The following TRPS1 variants were observed in gnomAD, a reference collection of about 807,000 sequenced individuals.
The protein encoded by TRPS1 is zinc finger transcription factor Trps1.
TRPS1 carries 6 observed loss-of-function variants against 101.2 expected under a neutral mutation model. The ratio of observed to expected loss-of-function variants is 0.06; its 90% CI spans 0.03 to 0.12. The LOEUF is 0.12. Ranked by LOEUF, TRPS1 falls within the 10% of genes least tolerant of loss-of-function variation. The probability of loss-of-function intolerance (pLI) is 1.00; values close to 1 mark genes in which losing one functional copy is unlikely to be tolerated. For synonymous variants in TRPS1, 578 were observed against 589.8 expected (o/e 0.98, Z 0.29); for missense variants, 1,363 against 1,567.0 (o/e 0.87, Z 2.20).
chr8:115,489,035 A>G (rs901932550), intron 5 of TRPS1, among the ~76,000 whole-genome samples: 45 of 152,334 alleles, frequency 3.0e-4, no homozygotes, highest in South Asian at 8.3e-4. Context: ...CTCCATTATA[A>G]TAACACCTTT....
chr8:115,631,236 T>C (rs1818634289), intron 1 of TRPS1, among the ~76,000 whole-genome samples: 1 of 152,066 alleles, frequency 6.6e-6, no homozygotes, highest in African/African-American at 2.4e-5. Context: ...TCACACAGAA[T>C]TATGTGTTTA....
chr8:115,557,334 T>C (rs1290213093), intron 5 of TRPS1, among the ~76,000 whole-genome samples: 1 of 152,092 alleles, frequency 6.6e-6, no homozygotes. Context: ...AGATGGTAAG[T>C]CATGACTACA....
At chr8:115,476,005 CTTTTTTTTTTTTTT>C (rs1169514340) in intron 5 of TRPS1, among the ~76,000 whole-genome samples, 1 of 40,670 alleles carries the variant, frequency 2.5e-5, no homozygotes, top group African/African-American at 2.4e-4. Flanking sequence ...AATATACTTT[CTTTTTTTTTTTTTT>C]TTTTTTTTTT....
intron 5 of TRPS1, among the ~76,000 whole-genome samples, chr8:115,574,882 C>T (rs1323069955): frequency 6.6e-6 from 1 of 152,056 alleles, no homozygotes. Context: ...GCACCTTATT[C>T]AAATAATCAT....
intron 6 of TRPS1, among the ~76,000 whole-genome samples, chr8:115,417,644 A>T (rs1812953889): frequency 6.6e-6 from 1 of 152,184 alleles, no homozygotes; most frequent in African/African-American, 2.4e-5. Context: ...TCTAACTAAA[A>T]TTTGAGGAAA....
chr8:115,668,042 G>T, intron 1 of TRPS1: 1 of 746,152 alleles, frequency 1.3e-6, no homozygotes, highest in African/African-American at 1.8e-5. Context: ...AGGGGGAGTG[G>T]GGCTGCGAGG....
chr8:115,658,570 C>G (rs987620693), intron 1 of TRPS1, among the ~76,000 whole-genome samples: 1 of 152,116 alleles, frequency 6.6e-6, no homozygotes, highest in Admixed American at 6.6e-5. Context: ...ACCCCCAGTT[C>G]TCCAGCTCTA....
intron 4 of TRPS1, among the ~76,000 whole-genome samples, chr8:115,592,013 A>G (rs542997844): frequency 3.3e-5 from 5 of 152,274 alleles, no homozygotes; most frequent in South Asian, 2.1e-4. Flanking sequence ...TCCACTTCCT[A>G]CCTTTCTAAT....
chr8:115,668,054 G>C, intron 1 of TRPS1: 4 of 693,628 alleles, frequency 5.8e-6, no homozygotes, highest in Non-Finnish European at 9.6e-6. Context: ...GCTGCGAGGG[G>C]GAGGGGGCAC....
intron 4 of TRPS1, among the ~76,000 whole-genome samples, chr8:115,598,009 CAGACACAGGTTA>C (rs1201912318): frequency 6.6e-5 from 10 of 152,154 alleles, no homozygotes; most frequent in African/African-American, 1.7e-4. Context: ...AAAAGTTTAA[CAGACACAGGTTA>C]AGACTTTTGA....
At chr8:115,500,004 T>C (rs1314211694) in intron 5 of TRPS1, among the ~76,000 whole-genome samples, 1 of 150,566 alleles carries the variant, frequency 6.6e-6, no homozygotes, top group African/African-American at 2.5e-5. Flanking sequence ...TAGTATTATT[T>C]CTGAAGAGTG....
intron 1 of TRPS1, among the ~76,000 whole-genome samples, chr8:115,643,505 C>G (rs563969573): frequency 1.3e-5 from 2 of 152,214 alleles, no homozygotes; most frequent in Non-Finnish European, 1.5e-5. Context: ...AAAGCAACAC[C>G]TCATCCATTC....
chr8:115,425,196 T>C (rs1813158195), intron 5 of TRPS1, among the ~76,000 whole-genome samples: 1 of 152,210 alleles, frequency 6.6e-6, no homozygotes, highest in Admixed American at 6.5e-5. Context: ...GGCCAACTTT[T>C]GTTTCAAATA....
Position 115,412,845 on chromosome 8 carries a change from TA to T in TRPS1, c.*1177del, listed in dbSNP as rs775545322. On this transcript the variant is annotated 3_prime_UTR_variant, in exon 7 of 7. Transcript: ENST00000395715. ...ATAGTTTTTACAAAGCCTTAAGTAT[TA>T]AAAGTTCTATGAGGACATACTTCTA... The T allele has an allele frequency of 1.3e-4, 20 of 152,664 alleles. No homozygotes were observed. Among genetic ancestry groups the T allele is most frequent in the Middle Eastern group, 3.4e-3 (1 of 294 alleles). 9.5% of individuals were successfully genotyped at this position (152,664 alleles called of 1,614,324 possible).
chr8:115,598,701 C>G (rs954975690), intron 4 of TRPS1, among the ~76,000 whole-genome samples: 2 of 152,136 alleles, frequency 1.3e-5, no homozygotes, highest in African/African-American at 4.8e-5. Context: ...AATGTCTTTG[C>G]TTTGCTCTTA....
chr8:115,642,207 C>T (rs1818914739), intron 1 of TRPS1, among the ~76,000 whole-genome samples: 2 of 131,824 alleles, frequency 1.5e-5, no homozygotes, highest in South Asian at 5.4e-4. Context: ...CAGCAAGACC[C>T]TATCTCAAAA....
chr8:115,574,765 T>G (rs1563614684), intron 5 of TRPS1, among the ~76,000 whole-genome samples: 1 of 152,036 alleles, frequency 6.6e-6, no homozygotes, highest in Non-Finnish European at 1.5e-5. Flanking sequence ...ACTTTATAAG[T>G]GCATTGTCCT....
chr8:115,628,009 A>G (rs937173254), intron 1 of TRPS1, among the ~76,000 whole-genome samples: 1 of 151,868 alleles, frequency 6.6e-6, no homozygotes, highest in African/African-American at 2.4e-5. Context: ...AATTTAATAT[A>G]AGATTAAAAC....
At chr8:115,539,809 G>C (rs927983679) in intron 5 of TRPS1, among the ~76,000 whole-genome samples, 1 of 152,210 alleles carries the variant, frequency 6.6e-6, no homozygotes, top group Non-Finnish European at 1.5e-5. Flanking sequence ...AATGAGCTGA[G>C]ATCCTGCCAC....
Sources: gnomAD v4.1 joint callset for allele counts (sites outside exome capture counted in the v4.1 genomes callset) on GRCh38, gnomAD v4.1.1 for gene constraint, MANE v1.5 for transcripts, NCBI Gene and HGNC (gene_info 2026-07-23, HGNC 2026-07-21) for gene names.